The following PPFIBP2 variants were observed in gnomAD, a reference collection of about 807,000 sequenced individuals.
The protein encoded by PPFIBP2 is PPFIB scaffold protein 2.
In PPFIBP2, 118 loss-of-function variants were observed where a neutral mutation model predicts 118.3. The observed-to-expected ratio is 1.00, with a 90% CI of 0.86 to 1.16. The LOEUF (loss-of-function observed/expected upper bound fraction) is 1.16, where lower values mean the gene tolerates loss of function less well. Among genes scored for constraint, PPFIBP2 ranks in the 50% most tolerant of loss-of-function variants. PPFIBP2 has a pLI of 0.00. For missense variants in PPFIBP2, 1,195 were observed against 1,073.1 expected, an observed-to-expected ratio of 1.11 and a Z score of -1.59; for synonymous variants, 414 against 397.4, an observed-to-expected ratio of 1.04 and a Z score of -0.50.
chr11:7,617,426 C>A, intron 6 of PPFIBP2: 1 of 470,070 alleles, frequency 2.1e-6, no homozygotes, highest in Non-Finnish European at 2.8e-6. Context: ...CTGGGCAGAG[C>A]TTGGACTCAC....
intron 17 of PPFIBP2, among the ~76,000 whole-genome samples, chr11:7,644,593 A>C (rs927791958): frequency 1.3e-5 from 2 of 151,984 alleles, no homozygotes; most frequent in South Asian, 2.1e-4. Context: ...CTTTTCCTAC[A>C]CGCATGGTGA....
chr11:7,565,879 T>A, intron 3 of PPFIBP2, 112 bp downstream of exon 3: 2 of 1,216,930 alleles, frequency 1.6e-6, no homozygotes, highest in Non-Finnish European at 2.3e-6. Flanking sequence ...TCCAGCCTTT[T>A]CTTCCATCCC....
rs187694092 is a variant in PPFIBP2, at chr11:7,610,536, A to G, written c.618+114A>G. On this transcript the variant is annotated intron_variant, in intron 6 of 23. Transcript: ENST00000299492. ...AAGCTATTGGGTGCCAGAAATATCT[A>G]TACACTAGAGATGCAGTGATCTGTT... 187 of 1,399,932 alleles carry G rather than the reference A, an allele frequency of 1.3e-4. No homozygotes were observed. The African/African-American group carries it at 2.1e-3, about 16-fold the overall frequency. The allele number at this position is 1,399,932 out of a possible 1,614,324, so 86.7% of individuals were successfully genotyped here.
intron 1 of PPFIBP2, among the ~76,000 whole-genome samples, chr11:7,542,155 C>T (rs1296625903): frequency 6.6e-6 from 1 of 152,160 alleles, no homozygotes; most frequent in African/African-American, 2.4e-5. Context: ...AGTGGAAGAA[C>T]AGGAGGAAAA....
intron 14 of PPFIBP2, among the ~76,000 whole-genome samples, chr11:7,638,018 C>T (rs539565923): frequency 2.4e-4 from 36 of 152,238 alleles, no homozygotes; most frequent in East Asian, 1.9e-4. Flanking sequence ...CTCCATATGT[C>T]GTATATAATA....
intron 14 of PPFIBP2, 53 bp from the exon 15 acceptor site, chr11:7,639,679 A>G: frequency 6.2e-7 from 1 of 1,611,412 alleles, no homozygotes; most frequent in Non-Finnish European, 8.5e-7. Flanking sequence ...GGATTTCCTA[A>G]CTGAGGCTGA....
the PPFIBP2 span, chr11:7,666,131 A>G: frequency 4.9e-6 from 3 of 608,838 alleles, no homozygotes; most frequent in Non-Finnish European, 8.8e-6. Context: ...GTCAGTGCCC[A>G]TATTAGATGT....
intron 3 of PPFIBP2, chr11:7,569,175 C>T (rs544824461): frequency 6.6e-6 from 1 of 152,442 alleles, no homozygotes; most frequent in South Asian, 2.1e-4. Flanking sequence ...AGTCCTAGTG[C>T]CTCCTATTGG....
At chr11:7,666,081 G>T in the PPFIBP2 span, 1 of 653,812 alleles carries the variant, frequency 1.5e-6, no homozygotes, top group Non-Finnish European at 2.7e-6. Flanking sequence ...GGGCGGTAAG[G>T]GGTGTGGTGG....
intron 1 of PPFIBP2, among the ~76,000 whole-genome samples, chr11:7,528,897 T>C (rs1850444818): frequency 6.6e-6 from 1 of 152,082 alleles, no homozygotes; most frequent in African/African-American, 2.4e-5. Context: ...AGGGCCCAGT[T>C]CTCCATCCAG....
intron 1 of PPFIBP2, among the ~76,000 whole-genome samples, chr11:7,535,447 C>T (rs935664509): frequency 2.6e-5 from 4 of 152,196 alleles, no homozygotes; most frequent in Non-Finnish European, 2.9e-5. Flanking sequence ...GGAACATAAC[C>T]TTGGAGTTGG....
At chr11:7,615,793 G>C (rs911751086) in intron 6 of PPFIBP2, among the ~76,000 whole-genome samples, 4 of 152,202 alleles carry the variant, frequency 2.6e-5, no homozygotes, top group African/African-American at 9.6e-5. Flanking sequence ...ATGTTCACGA[G>C]AGTGAGCATG....
intron 9 of PPFIBP2, 119 bp from the exon 10 acceptor site, chr11:7,629,340 C>T: frequency 1.0e-6 from 1 of 973,430 alleles, no homozygotes; most frequent in South Asian, 1.4e-5. Context: ...ACACTCTTTT[C>T]CTTTGGTTCC....
chr11:7,550,418 C>T (rs1852840569), intron 2 of PPFIBP2, among the ~76,000 whole-genome samples: 1 of 152,196 alleles, frequency 6.6e-6, no homozygotes. Flanking sequence ...ATTTGCTTTT[C>T]CTTCCCATTG....
At chr11:7,564,106 C>T (rs1854661356) in intron 2 of PPFIBP2, among the ~76,000 whole-genome samples, 2 of 151,588 alleles carry the variant, frequency 1.3e-5, no homozygotes, top group South Asian at 4.2e-4. Flanking sequence ...GCGGAGCTTG[C>T]AGTGAGCCGA....
At chr11:7,606,785 C>T (rs866162296) in intron 5 of PPFIBP2, among the ~76,000 whole-genome samples, 1 of 147,706 alleles carries the variant, frequency 6.8e-6, no homozygotes, top group South Asian at 2.1e-4. Context: ...ATGATGGAAG[C>T]AGAGTAGACT....
At chr11:7,568,119 C>G (rs572431187) in intron 3 of PPFIBP2, among the ~76,000 whole-genome samples, 3 of 152,322 alleles carry the variant, frequency 2.0e-5, no homozygotes, top group African/African-American at 7.2e-5. Flanking sequence ...AGAATTCCTG[C>G]TTGGCCATGA....
chr11:7,649,426 T>A, intron 20 of PPFIBP2, 106 bp from the exon 21 acceptor site: 1 of 1,475,994 alleles, frequency 6.8e-7, no homozygotes, highest in Non-Finnish European at 9.3e-7. Context: ...CACGTGCACC[T>A]TCCTGAGATG....
chr11:7,573,818 A>G (rs1236026160), intron 3 of PPFIBP2: 1 of 152,240 alleles, frequency 6.6e-6, no homozygotes, highest in Non-Finnish European at 1.5e-5. Context: ...CCTATGGCCC[A>G]GAGGTGAAGG....
Sources: allele counts gnomAD v4.1 joint callset (sites outside exome capture counted in the v4.1 genomes callset), GRCh38; gene constraint gnomAD v4.1.1; transcripts MANE v1.5; gene names NCBI Gene and HGNC (gene_info 2026-07-23, HGNC 2026-07-21).